The following NAGS variants were observed in gnomAD, a reference collection of about 807,000 sequenced individuals.
The protein encoded by NAGS is N-acetylglutamate synthase.
NAGS carries 34 observed loss-of-function variants against 46.9 expected under a neutral mutation model. That is an observed-to-expected ratio of 0.72 (90% CI 0.55 to 0.97). The LOEUF is 0.97. Ranked by LOEUF, NAGS falls within the 50% of genes least tolerant of loss-of-function variation. The pLI is 0.00. For missense variants in NAGS, 665 were observed against 747.0 expected (o/e 0.89, Z 1.28); for synonymous variants, 334 against 346.3 (o/e 0.96, Z 0.39).
chr17:44,008,097 C>T (rs544781019), intron 6 of NAGS, among the ~76,000 whole-genome samples: 2 of 152,164 alleles, frequency 1.3e-5, no homozygotes, highest in Non-Finnish European at 2.9e-5. Context: ...CAGTAACTAC[C>T]CCCTCACCCC....
rs899402990 is a variant in NAGS, at chr17:44,006,043, G to T, written c.721G>T (p.Val241Leu). The change falls in exon 3 of 7, where the codon GTG (valine) becomes TTG (leucine). Residue 241 changes from valine (V) to leucine (L), a missense_variant. Coordinates refer to ENST00000293404, the MANE Select transcript of NAGS (RefSeq NM_153006.3). The surrounding 1 kb of genome is among the most constrained non-coding windows in gnomAD (Gnocchi z 4.8). ...PHASYGGIVS[V>L]ETDLLQWCLE... ...CCACAGCTACGGCGGCATCGTCTCG[G>T]TGGAGACAGACCTGCTGCAGTGGTG... The T allele has an allele frequency of 1.9e-6, 3 of 1,605,704 alleles. No homozygotes were observed. The highest frequency in any genetic ancestry group is 2.7e-5 in the African/African-American group (2 of 74,760).
At position 44,006,661 on chromosome 17, in the gene NAGS, G is replaced by A; in HGVS notation, c.1048G>A (p.Val350Ile). 2 of 1,607,360 alleles carry A rather than the reference G, an allele frequency of 1.2e-6. No homozygotes were observed. Among genetic ancestry groups the A allele is most frequent in the Non-Finnish European group, 1.7e-6 (2 of 1,176,488 alleles). Residue 350 changes from valine to isoleucine, a missense_variant, in exon 4 of 7, where the codon GTC (valine) becomes ATC (isoleucine). By Grantham distance (29) the Val-to-Ile change is conservative (BLOSUM62 3). Coordinates refer to ENST00000293404, the MANE Select transcript of NAGS (RefSeq NM_153006.3). The surrounding 1 kb of genome is among the most constrained non-coding windows in gnomAD (Gnocchi z 4.8). ...LSRLPHHSSA[V>I]ITAASTLLTE... Reference sequence around the variant, plus strand: ...CCGCCTGCCCCACCACTCCTCGGCCGTCATCACCGCCGCTAGCACGCTGCT... The same window carrying A: ...CCGCCTGCCCCACCACTCCTCGGCCATCATCACCGCCGCTAGCACGCTGCT...
Position 44,005,931 on chromosome 17 carries a change from G to GCCCTGCCCT in NAGS, c.701+23_701+24insTGCCCTCCC. On this transcript the variant is annotated intron_variant, in intron 2 of 6. Coordinates refer to ENST00000293404, the MANE Select transcript of NAGS (RefSeq NM_153006.3). The surrounding 1 kb of genome is among the most constrained non-coding windows in gnomAD (Gnocchi z 7.2). The stretch of plus-strand genomic sequence containing the variant: ...TGCCAGGTGAGTGCCCGCCCTGCCC[G>GCCCTGCCCT]CCCAGGCGTCCTCAGAGCGTGCTAC... 1 of 1,547,924 alleles carries GCCCTGCCCT rather than the reference G, an allele frequency of 6.5e-7. No homozygotes were observed. The highest frequency in any genetic ancestry group is 8.7e-7 in the Non-Finnish European group (1 of 1,151,034).
In NAGS at chr17:44,008,772, C is replaced by T; in HGVS notation, c.*171C>T. On this transcript the variant is annotated 3_prime_UTR_variant, in exon 7 of 7. Coordinates refer to ENST00000293404, the MANE Select transcript of NAGS (RefSeq NM_153006.3). ...GCCCAGAGGAGGCGCTGAAGTGGGA[C>T]AAGCACAGGAAAGAAGGGGACCAGT... 1 of 847,518 alleles carries T rather than the reference C, an allele frequency of 1.2e-6. No homozygotes were observed. The highest frequency in any genetic ancestry group is 1.9e-6 in the Non-Finnish European group (1 of 521,958). 52.5% of individuals were successfully genotyped at this position (847,518 alleles called of 1,614,324 possible).
At position 44,004,720 on chromosome 17, in the gene NAGS, G is replaced by T; in HGVS notation, c.57G>T (p.Leu19=). ...VLRAAAVAPR[L]RGRGGTGGAR... ...GGGCAGCTGCTGTAGCCCCGAGGCT[G>T]AGAGGCCGGGGAGGCACTGGGGGCG... The change falls in exon 1 of 7, where the codon CTG becomes CTT. Residue 19 remains leucine (L), a synonymous_variant. Transcript: ENST00000293404. 6.7e-7 allele frequency: 1 copy of T among 1,500,618 alleles called. No homozygotes were observed. The allele number at this position is 1,500,618 out of a possible 1,614,324, so 93.0% of individuals were successfully genotyped here.
chr17:44,007,607 A>G lies in NAGS; in HGVS notation c.1285A>G (p.Ile429Val), dbSNP rs2049111681. Residue 429 changes from isoleucine (I) to valine (V), a missense_variant, in exon 6 of 7, where the codon ATT becomes GTT. Ile to Val is a conservative substitution (Grantham distance 29, BLOSUM62 3). Transcript: ENST00000293404. This position sits in a 1 kb window ranked among gnomAD's most constrained non-coding sequence, Gnocchi z 5.1. ...CTGCGCCAGGTACAACGCCGCCGCC[A>G]TTCTGACCATGGAGCCCGTCCTGGG... ...YVSEGYNAAAILTMEPVLGGT... is the reference protein window; with the variant it reads ...YVSEGYNAAAVLTMEPVLGGT... 6.2e-7 allele frequency: 1 copy of G among 1,608,866 alleles called. No homozygotes were observed. Among genetic ancestry groups the G allele is most frequent in the African/African-American group, 1.3e-5 (1 of 74,782 alleles).
chr17:44,006,106 G>C lies in NAGS; in HGVS notation c.784G>C (p.Gly262Arg). The change falls in exon 3 of 7, where the codon GGG becomes CGG. Residue 262 changes from glycine to arginine, a missense_variant. Transcript: ENST00000293404. The surrounding 1 kb of genome is among the most constrained non-coding windows in gnomAD (Gnocchi z 4.8). ...SGSIPILCPI[G>R]ETAARRSVLL... is the part of the protein sequence containing the mutation. ...CAGCATCCCCATCCTGTGCCCCATC[G>C]GGGAGACGGCCGCGCGCCGCTCCGT... 5 of 1,612,892 alleles carry C rather than the reference G, an allele frequency of 3.1e-6. No homozygotes were observed. Among genetic ancestry groups the C allele is most frequent in the Non-Finnish European group, 4.2e-6 (5 of 1,179,838 alleles).
At position 44,006,675 on chromosome 17, in the gene NAGS, T is replaced by C. The variant is rs779538473; in HGVS notation, c.1062T>C (p.Ala354=). 1.2e-6 allele frequency: 2 copies of C among 1,611,418 alleles called. No individual in the cohort carries two copies. The highest frequency in any genetic ancestry group is 1.7e-5 in the Admixed American group (1 of 59,922). Residue 354 remains alanine (A), a synonymous_variant, in exon 4 of 7, where the codon GCT becomes GCC. Coordinates refer to ENST00000293404, the MANE Select transcript of NAGS (RefSeq NM_153006.3). The surrounding 1 kb of genome is among the most constrained non-coding windows in gnomAD (Gnocchi z 4.8). ...PHHSSAVITA[A]STLLTELFSN... ...ACTCCTCGGCCGTCATCACCGCCGC[T>C]AGCACGCTGCTCACTGAGCTCTTTA...
chr17:44,004,656 T>C lies in NAGS; in HGVS notation c.-8T>C. On this transcript the variant is annotated 5_prime_UTR_variant, in exon 1 of 7. Coordinates refer to ENST00000293404, the MANE Select transcript of NAGS (RefSeq NM_153006.3). ...GCCACTCTTGGGGGGCAAGAGTTGG[T>C]TGTCGTCATGGCGACGGCGCTGATG... 1 of 1,519,226 alleles carries C rather than the reference T, an allele frequency of 6.6e-7. No individual in the cohort carries two copies. The highest frequency in any genetic ancestry group is 1.8e-4 in the Middle Eastern group (1 of 5,462). The allele number at this position is 1,519,226 out of a possible 1,614,324, so 94.1% of individuals were successfully genotyped here. A position where few individuals can be genotyped will look rare whatever the true frequency, so the allele number is the denominator to read the frequency against.
rs183196024 is a variant in NAGS at position 44,008,881 on chromosome 17, C to T, written c.*280C>T. 5.7e-6 allele frequency: 3 copies of T among 522,214 alleles called. No individual in the cohort carries two copies. Among genetic ancestry groups the T allele is most frequent in the Non-Finnish European group, 1.0e-5 (3 of 288,024 alleles). 32.3% of individuals were successfully genotyped at this position (522,214 alleles called of 1,614,324 possible). A position where few individuals can be genotyped will look rare whatever the true frequency, so the allele number is the denominator to read the frequency against. ...CTGGGGATTAGGGGAGGGGAGGGTG[C>T]CTTCCAGGGCTCTACTCAGGACTAA... On this transcript the variant is annotated 3_prime_UTR_variant, in exon 7 of 7. Coordinates refer to ENST00000293404, the MANE Select transcript of NAGS (RefSeq NM_153006.3).
chr17:44,005,080 C>T lies in NAGS; in HGVS notation c.417C>T (p.Ala139=), dbSNP rs776301293. ...TCHHSADKPF[A]VIEVDEEVLK... The stretch of plus-strand genomic sequence containing the variant: ...ATCACTCCGCGGACAAGCCCTTCGC[C>T]GTCATCGAGGTGAGCGGAGCCCGGC... The change falls in exon 1 of 7, where the codon GCC becomes GCT. Residue 139 remains alanine (A), a synonymous_variant. Coordinates refer to ENST00000293404, the MANE Select transcript of NAGS (RefSeq NM_153006.3). The surrounding 1 kb of genome is among the most constrained non-coding windows in gnomAD (Gnocchi z 7.2). 2.0e-5 allele frequency: 31 copies of T among 1,571,090 alleles called. No individual in the cohort carries two copies. The highest frequency in any genetic ancestry group is 2.3e-5 in the Non-Finnish European group (27 of 1,162,526).
rs2049096162 is a variant in NAGS at position 44,006,638 on chromosome 17, G to A, written c.1025G>A (p.Arg342His). 2 of 1,608,454 alleles carry A rather than the reference G, an allele frequency of 1.2e-6. No individual in the cohort carries two copies. The highest frequency in any genetic ancestry group is 1.7e-6 in the Non-Finnish European group (2 of 1,178,216). The change falls in exon 4 of 7, where the codon CGC becomes CAC. Residue 342 changes from arginine to histidine, a missense_variant. Physicochemically the swap from Arg to His is conservative, Grantham distance 29 (BLOSUM62 0). Transcript: ENST00000293404. The surrounding 1 kb of genome is among the most constrained non-coding windows in gnomAD (Gnocchi z 4.8). ...QMRLIVDVLS[R>H]LPHHSSAVIT... ...CGGCTCATCGTGGACGTGCTCAGCC[G>A]CCTGCCCCACCACTCCTCGGCCGTC...
At position 44,006,319 on chromosome 17, in the gene NAGS, G is replaced by A. The variant is rs1315762989; in HGVS notation, c.915+82G>A. On this transcript the variant is annotated intron_variant, in intron 3 of 6. Coordinates refer to ENST00000293404, the MANE Select transcript of NAGS (RefSeq NM_153006.3). This position sits in a 1 kb window ranked among gnomAD's most constrained non-coding sequence, Gnocchi z 4.8. ...CCCTCGCACTTCTCCCCGACGGGCCGCAGACTCACTAGCAAGCCGGGTGGG... is the reference window on the plus strand; with the variant it reads ...CCCTCGCACTTCTCCCCGACGGGCCACAGACTCACTAGCAAGCCGGGTGGG... The A allele has an allele frequency of 5.2e-6, 8 of 1,533,422 alleles. No homozygotes were observed. The highest frequency in any genetic ancestry group is 1.9e-5 in the Admixed American group (1 of 52,712). 95.0% of individuals were successfully genotyped at this position (1,533,422 alleles called of 1,614,324 possible).
rs2049113770 is a variant in NAGS at position 44,007,699 on chromosome 17, G to A, written c.1377G>A (p.Met459Ile). ...GCCAGGGCCAAGGCTCCGGCCAGAT[G>A]CTGTGGGAGTGCCTGCGGCGGGACC... ...SSRQGQGSGQ[M>I]LWECLRRDLQ... Residue 459 changes from methionine (M) to isoleucine (I), a missense_variant, in exon 6 of 7, where the codon ATG becomes ATA. Met to Ile is a conservative substitution (Grantham distance 10, BLOSUM62 1). Coordinates refer to ENST00000293404, the MANE Select transcript of NAGS (RefSeq NM_153006.3). This position sits in a 1 kb window ranked among gnomAD's most constrained non-coding sequence, Gnocchi z 5.1. 2 of 1,605,584 alleles carry A rather than the reference G, an allele frequency of 1.2e-6. No homozygotes were observed. The highest frequency in any genetic ancestry group is 1.1e-5 in the South Asian group (1 of 89,354).
rs1388416664 is a variant in NAGS, at chr17:44,006,652, T to G, written c.1039T>G (p.Ser347Ala). The change falls in exon 4 of 7, where the codon TCC becomes GCC. Residue 347 changes from serine to alanine, a missense_variant. Ser to Ala is a moderately conservative substitution (Grantham distance 99). Coordinates refer to ENST00000293404, the MANE Select transcript of NAGS (RefSeq NM_153006.3). This position sits in a 1 kb window ranked among gnomAD's most constrained non-coding sequence, Gnocchi z 4.8. ...VDVLSRLPHH[S>A]SAVITAASTL... ...CGTGCTCAGCCGCCTGCCCCACCACTCCTCGGCCGTCATCACCGCCGCTAG... is the reference window on the plus strand; with the variant it reads ...CGTGCTCAGCCGCCTGCCCCACCACGCCTCGGCCGTCATCACCGCCGCTAG... 1 of 1,608,502 alleles carries G rather than the reference T, an allele frequency of 6.2e-7. No individual in the cohort carries two copies. The highest frequency in any genetic ancestry group is 1.7e-5 in the Admixed American group (1 of 59,844).
rs1249145194 is a variant in NAGS, at chr17:44,007,822, C to T, written c.1451+49C>T. On this transcript the variant is annotated intron_variant, in intron 6 of 6. Coordinates refer to ENST00000293404, the MANE Select transcript of NAGS (RefSeq NM_153006.3). The surrounding 1 kb of genome is among the most constrained non-coding windows in gnomAD (Gnocchi z 5.1). The stretch of plus-strand genomic sequence containing the variant: ...TGGGCTGGGCCCTGACTTCCCTCCC[C>T]TCTCCCACCCTTGCCAACCATGCCA... 1.3e-6 allele frequency: 2 copies of T among 1,540,634 alleles called. No individual in the cohort carries two copies. Among genetic ancestry groups the T allele is most frequent in the Non-Finnish European group, 1.8e-6 (2 of 1,135,132 alleles).
Position 44,005,922 on chromosome 17 carries a change from G to A in NAGS, c.701+11G>A, listed in dbSNP as rs1206538981. ...GGCTCCCCATGCCAGGTGAGTGCCC[G>A]CCCTGCCCGCCCAGGCGTCCTCAGA... is the stretch of plus-strand genomic sequence containing the variant. On this transcript the variant is annotated intron_variant, in intron 2 of 6. Transcript: ENST00000293404. The surrounding 1 kb of genome is among the most constrained non-coding windows in gnomAD (Gnocchi z 7.2). The A allele has an allele frequency of 1.3e-6, 2 of 1,546,680 alleles. No homozygotes were observed. Among genetic ancestry groups the A allele is most frequent in the African/African-American group, 1.4e-5 (1 of 73,406 alleles).
Position 44,005,493 on chromosome 17 carries a change from C to T in NAGS, c.427-144C>T. 1 of 1,142,422 alleles carries T rather than the reference C, an allele frequency of 8.8e-7. No homozygotes were observed. Among genetic ancestry groups the T allele is most frequent in the African/African-American group, 1.5e-5 (1 of 64,990 alleles). 70.8% of individuals were successfully genotyped at this position (1,142,422 alleles called of 1,614,324 possible). A position where few individuals can be genotyped will look rare whatever the true frequency, so the allele number is the denominator to read the frequency against. On this transcript the variant is annotated intron_variant, in intron 1 of 6. Transcript: ENST00000293404. This position sits in a 1 kb window ranked among gnomAD's most constrained non-coding sequence, Gnocchi z 7.2. ...TGGCAAGACCCAACGGGGCAAAGGG[C>T]GGAGCAGGTGGGCACTGGTGGCCAG...
rs752578254 is a variant in NAGS, at chr17:44,005,239, GGA to G, written c.426+154_426+155del. 7.0e-7 allele frequency: 1 copy of G among 1,423,444 alleles called. No homozygotes were observed. The highest frequency in any genetic ancestry group is 9.2e-7 in the Non-Finnish European group (1 of 1,088,406). The allele number at this position is 1,423,444 out of a possible 1,614,324, so 88.2% of individuals were successfully genotyped here. On this transcript the variant is annotated intron_variant, in intron 1 of 6. Coordinates refer to ENST00000293404, the MANE Select transcript of NAGS (RefSeq NM_153006.3). This position sits in a 1 kb window ranked among gnomAD's most constrained non-coding sequence, Gnocchi z 7.2. The stretch of plus-strand genomic sequence containing the variant: ...GCCCAGACCAGCGCCGCCGGGAATG[GGA>G]GAGGCCGTAAGCTCCTCCGGAAGCC...
Sources: gnomAD v4.1 joint callset for allele counts (sites outside exome capture counted in the v4.1 genomes callset) on GRCh38, gnomAD v4.1.1 for gene constraint, Gnocchi (gnomAD v3.1) non-coding constraint, MANE v1.5 for transcripts, NCBI Gene and HGNC (gene_info 2026-07-23, HGNC 2026-07-21) for gene names.